The following FAM149A variants were observed in gnomAD, a reference collection of about 807,000 sequenced individuals.
FAM149A encodes family with sequence similarity 149 member A, also known as protein FAM149A.
In FAM149A, 71 loss-of-function variants were observed where a neutral mutation model predicts 78.2. The ratio of observed to expected loss-of-function variants is 0.91; its 90% CI spans 0.75 to 1.11. The LOEUF (loss-of-function observed/expected upper bound fraction) is 1.11, where lower values mean the gene tolerates loss of function less well. FAM149A is among the 50% of genes least tolerant of loss of function. The probability of loss-of-function intolerance (pLI) is 0.00; values close to 1 mark genes in which losing one functional copy is unlikely to be tolerated. For synonymous variants in FAM149A, 446 were observed against 410.5 expected (o/e 1.09, Z -1.04); for missense variants, 1,036 against 971.0 (o/e 1.07, Z -0.89).
intron 11 of FAM149A, among the ~76,000 whole-genome samples, chr4:186,166,174 T>C (rs1735009561): frequency 6.6e-6 from 1 of 152,080 alleles, no homozygotes; most frequent in East Asian, 1.9e-4. Flanking sequence ...CTTGTCTCTA[T>C]TCATTTTATA....
intron 1 of FAM149A, among the ~76,000 whole-genome samples, chr4:186,107,277 A>G (rs1229227098): frequency 6.6e-6 from 1 of 152,266 alleles, no homozygotes; most frequent in East Asian, 1.9e-4. Context: ...ATTCTTGAAC[A>G]TATTAGCTCA....
chr4:186,108,413 T>TA (rs113979356), intron 1 of FAM149A, among the ~76,000 whole-genome samples: 19,127 of 140,526 alleles, frequency 0.14, 1,264 homozygotes, highest in East Asian at 0.2. Flanking sequence ...TACTTGGCTT[T>TA]AAAAAAAAAA....
At chr4:186,124,422 C>T (rs1376512446) in intron 1 of FAM149A, among the ~76,000 whole-genome samples, 3 of 151,126 alleles carry the variant, frequency 2.0e-5, no homozygotes, top group East Asian at 3.9e-4. Flanking sequence ...CTCCCCCCCA[C>T]CCCACAACAG....
chr4:186,155,667 T>C (rs1733986665), intron 6 of FAM149A, among the ~76,000 whole-genome samples: 1 of 151,706 alleles, frequency 6.6e-6, no homozygotes, highest in Non-Finnish European at 1.5e-5. Flanking sequence ...AAGACATATC[T>C]GAAATAAACA....
chr4:186,117,574 A>G (rs539896722), intron 1 of FAM149A: 25 of 985,454 alleles, frequency 2.5e-5, no homozygotes, highest in Middle Eastern at 5.2e-4. Context: ...TCGGAGACCA[A>G]AGCAGTGTGA....
intron 1 of FAM149A, among the ~76,000 whole-genome samples, chr4:186,140,441 CTTTTTTT>C (rs67506672): frequency 1.9e-5 from 2 of 104,960 alleles, no homozygotes; most frequent in Admixed American, 1.1e-4. Context: ...ACACACCTAG[CTTTTTTT>C]TTTTTTTTTT....
intron 8 of FAM149A, among the ~76,000 whole-genome samples, chr4:186,160,565 C>CCA (rs1734505532): frequency 6.8e-6 from 1 of 147,558 alleles, no homozygotes; most frequent in South Asian, 2.2e-4. Flanking sequence ...TGCACACATA[C>CCA]CACACACACC....
At chr4:186,153,583 A>C (rs2126478525) in intron 4 of FAM149A, 62 bp from the exon 5 acceptor site, 1 of 1,570,224 alleles carries the variant, frequency 6.4e-7, no homozygotes, top group South Asian at 1.1e-5. Flanking sequence ...TACTTTTAAA[A>C]TCTCCAAACA....
rs1230105416 is a variant in FAM149A, at chr4:186,172,625, A to T, written c.*638A>T. 8.9e-6 allele frequency: 1 copy of T among 112,258 alleles called. No homozygotes were observed. Among genetic ancestry groups the T allele is most frequent in the East Asian group, 2.2e-4 (1 of 4,502 alleles). 7.0% of individuals were successfully genotyped at this position (112,258 alleles called of 1,614,324 possible). On this transcript the variant is annotated 3_prime_UTR_variant, in exon 14 of 14. Transcript: ENST00000389354. ...AGTTCACGTGAAGTACCCCACATTT[A>T]TTGATCTTAGGGTTGAATATAAACG...
chr4:186,131,891 G>A (rs1016919080), intron 1 of FAM149A: 39 of 985,224 alleles, frequency 4.0e-5, no homozygotes, highest in Middle Eastern at 5.2e-4. Flanking sequence ...ACCATTTACT[G>A]GAAGGTTTTA....
intron 8 of FAM149A, chr4:186,158,776 A>G (rs1734279629): frequency 9.7e-7 from 1 of 1,031,134 alleles, no homozygotes; most frequent in African/African-American, 1.7e-5. Flanking sequence ...TCAGCCTGCC[A>G]GGCAAGCCTG....
chr4:186,105,175 T>C lies in FAM149A; in HGVS notation c.99T>C (p.Gly33=). ...GCCCCTCCTCCAGACCCTCGGGAGG[T>C]GCTGCCGCTGCAGGGTCGGGGGGCT... The change falls in exon 1 of 14, where the codon GGT becomes GGC. Residue 33 remains glycine (G), a synonymous_variant. Coordinates refer to ENST00000389354, the MANE Select transcript of FAM149A (RefSeq NM_001367768.3). The C allele has an allele frequency of 7.8e-7, 1 of 1,275,648 alleles. No individual in the cohort carries two copies. The highest frequency in any genetic ancestry group is 1.0e-6 in the Non-Finnish European group (1 of 983,028). The allele number at this position is 1,275,648 out of a possible 1,614,324, so 79.0% of individuals were successfully genotyped here.
chr4:186,154,693 CAT>C lies in FAM149A; in HGVS notation c.1229+56_1229+57del, dbSNP rs1030494091. ...CATAAAATAATATTAATTTATTTGA[CAT>C]TTATTGTTATCGTATGCTCATTAAG... On this transcript the variant is annotated intron_variant, in intron 6 of 13. Transcript: ENST00000389354. 10 of 1,527,076 alleles carry C rather than the reference CAT, an allele frequency of 6.5e-6. No individual in the cohort carries two copies. The African/African-American group carries it at 1.4e-4, about 21-fold the overall frequency. The allele number at this position is 1,527,076 out of a possible 1,614,324, so 94.6% of individuals were successfully genotyped here.
At chr4:186,135,934 C>T (rs530260453) in intron 1 of FAM149A, among the ~76,000 whole-genome samples, 18 of 152,230 alleles carry the variant, frequency 1.2e-4, no homozygotes, top group East Asian at 5.8e-4. Flanking sequence ...TGCACATGTG[C>T]GGAGGGGCAT....
intron 1 of FAM149A, among the ~76,000 whole-genome samples, chr4:186,136,992 C>CTCTCTCTT (rs2099323474): frequency 1.1e-4 from 14 of 126,692 alleles, no homozygotes; most frequent in Admixed American, 4.2e-4. Context: ...CTCTCTCTCT[C>CTCTCTCTT]TCTCTCTCTC....
intron 7 of FAM149A, among the ~76,000 whole-genome samples, chr4:186,156,533 G>T (rs1734042002): frequency 6.6e-6 from 1 of 152,144 alleles, no homozygotes; most frequent in Non-Finnish European, 1.5e-5. Flanking sequence ...AATTAGCCGG[G>T]CGTGGTGGTA....
In FAM149A at chr4:186,169,192, A is replaced by G. The variant is rs961594039; in HGVS notation, c.2218+1930A>G. ...AAATGCCAAGTCAGTGTATTCTCTTATCAGTAACTTTTTTTCCTTTAAAAT... is the reference window on the plus strand; with the variant it reads ...AAATGCCAAGTCAGTGTATTCTCTTGTCAGTAACTTTTTTTCCTTTAAAAT... On this transcript the variant is annotated intron_variant, in intron 13 of 13. Transcript: ENST00000389354. 4 of 984,190 alleles carry G rather than the reference A, an allele frequency of 4.1e-6. No individual in the cohort carries two copies. In the Admixed American group the frequency reaches 2.5e-4, roughly 60 times the overall value. 61.0% of individuals were successfully genotyped at this position (984,190 alleles called of 1,614,324 possible). A position where few individuals can be genotyped will look rare whatever the true frequency, so the allele number is the denominator to read the frequency against.
At chr4:186,157,935 G>A (rs1426511147) in intron 8 of FAM149A, 4 of 1,529,616 alleles carry the variant, frequency 2.6e-6, no homozygotes. Context: ...GAAGGACGAG[G>A]ATGTGCTCAA....
At chr4:186,124,675 T>C (rs1482449794) in intron 1 of FAM149A, among the ~76,000 whole-genome samples, 1 of 151,818 alleles carries the variant, frequency 6.6e-6, no homozygotes, top group Non-Finnish European at 1.5e-5. Context: ...GTTGCACATT[T>C]GGGTTGGTTC....
Sources: gnomAD v4.1 joint callset for allele counts (sites outside exome capture counted in the v4.1 genomes callset) on GRCh38, gnomAD v4.1.1 for gene constraint, MANE v1.5 for transcripts, NCBI Gene and HGNC (gene_info 2026-07-23, HGNC 2026-07-21) for gene names.